NR3C2: variants seen among roughly 807,000 people sequenced by gnomAD.
The protein encoded by NR3C2 is nuclear receptor subfamily 3 group C member 2, also known as mineralocorticoid receptor.
Under a neutral mutation model 86.4 loss-of-function variants are expected in NR3C2, and 15 were observed. The ratio of observed to expected loss-of-function variants is 0.17; its 90% confidence interval spans 0.12 to 0.27. The LOEUF is 0.27. NR3C2 is among the 10% of genes least tolerant of loss of function. The probability of loss-of-function intolerance (pLI) is 1.00; values close to 1 mark genes in which losing one functional copy is unlikely to be tolerated. For missense variants in NR3C2, 960 were observed against 1,195.6 expected, an observed-to-expected ratio of 0.80 and a Z score of 2.91; for synonymous variants, 458 against 450.5, an observed-to-expected ratio of 1.02 and a Z score of -0.21.
At chr4:148,098,393 C>G (rs372447493) in intron 8 of NR3C2, among the ~76,000 whole-genome samples, 5 of 152,220 alleles carry the variant, frequency 3.3e-5, no homozygotes, top group African/African-American at 1.2e-4. Flanking sequence ...TTTTCTTGCA[C>G]TTAGGAACAT....
intron 3 of NR3C2, among the ~76,000 whole-genome samples, chr4:148,255,189 A>G (rs970054995): frequency 5.3e-5 from 8 of 152,168 alleles, no homozygotes; most frequent in African/African-American, 1.7e-4. Flanking sequence ...ACACAGTGAA[A>G]CACACTTTCC....
At chr4:148,129,513 T>G (rs1732917735) in intron 6 of NR3C2, among the ~76,000 whole-genome samples, 1 of 152,240 alleles carries the variant, frequency 6.6e-6, no homozygotes, top group African/African-American at 2.4e-5. Context: ...TATGTGTATT[T>G]TTTTATCACA....
chr4:148,271,537 A>T (rs1365703582), intron 2 of NR3C2, among the ~76,000 whole-genome samples: 1 of 152,144 alleles, frequency 6.6e-6, no homozygotes, highest in Non-Finnish European at 1.5e-5. Flanking sequence ...GTACATAAAA[A>T]TATAATATTT....
At chr4:148,402,109 G>A (rs1579255726) in intron 2 of NR3C2, among the ~76,000 whole-genome samples, 1 of 152,290 alleles carries the variant, frequency 6.6e-6, no homozygotes, top group Non-Finnish European at 1.5e-5. Context: ...TCTGGTGTCA[G>A]GCCATGTACA....
chr4:148,384,860 T>C (rs1292902166), intron 2 of NR3C2, among the ~76,000 whole-genome samples: 1 of 152,212 alleles, frequency 6.6e-6, no homozygotes, highest in Non-Finnish European at 1.5e-5. Context: ...CTGTAGTAGC[T>C]GCAAAGGAAG....
intron 2 of NR3C2, among the ~76,000 whole-genome samples, chr4:148,302,963 T>C (rs552758646): frequency 4.6e-4 from 70 of 151,880 alleles, no homozygotes; most frequent in African/African-American, 1.6e-3. Flanking sequence ...TAGAAACCCA[T>C]GGCTGGGCTC....
chr4:148,255,525 C>T lies in NR3C2; in HGVS notation c.1897+4453G>A, dbSNP rs186990632. Among the ~76,000 whole-genome samples, 22 of 152,338 alleles carry T rather than the reference C, an allele frequency of 1.4e-4. 1 individual carries two copies. The highest frequency in any genetic ancestry group is 9.8e-4 in the Admixed American group (15 of 15,298). On this transcript the variant is annotated intron_variant, in intron 3 of 8. Coordinates refer to ENST00000358102, the MANE Select transcript of NR3C2 (RefSeq NM_000901.5). ...TGTGAGTGTGGAAACTGACATCATA[C>T]AATTTGGCTGACCTTACCAAAATAT...
intron 5 of NR3C2, among the ~76,000 whole-genome samples, chr4:148,153,088 G>A (rs1483668501): frequency 6.6e-6 from 1 of 152,116 alleles, no homozygotes; most frequent in Non-Finnish European, 1.5e-5. Flanking sequence ...TATGGTCCAG[G>A]TTAATACCAG....
rs139862596 is a variant in NR3C2 at position 148,401,261 on chromosome 4, C to T, written c.1757+33843G>A. Among the ~76,000 whole-genome samples the T allele has an allele frequency of 3.9e-3, 599 of 152,190 alleles. 3 individuals are homozygous for T. The highest frequency in any genetic ancestry group is 0.013 in the African/African-American group (554 of 41,508). On this transcript the variant is annotated intron_variant, in intron 2 of 8. Coordinates refer to ENST00000358102, the MANE Select transcript of NR3C2 (RefSeq NM_000901.5). ...CTCACATGGTGCTTACCATCTGATG[C>T]GGAAGCATGGCAGAGGCTGCTAGGA...
intron 3 of NR3C2, among the ~76,000 whole-genome samples, chr4:148,249,145 T>A (rs1739452789): frequency 6.6e-6 from 1 of 152,194 alleles, no homozygotes; most frequent in Non-Finnish European, 1.5e-5. Flanking sequence ...AAAATGTTAG[T>A]CAGCCTTTCA....
At chr4:148,443,313 C>T (rs1175943988), upstream of NR3C2, among the ~76,000 whole-genome samples, 1 of 145,408 alleles carries the variant, frequency 6.9e-6, no homozygotes, top group Non-Finnish European at 1.5e-5. Flanking sequence ...TCCTCTACTT[C>T]CTTATAATTT....
At chr4:148,134,637 C>CTTTTTTTTTTT (rs1733196913) in intron 6 of NR3C2, among the ~76,000 whole-genome samples, 2 of 61,910 alleles carry the variant, frequency 3.2e-5, no homozygotes, top group East Asian at 8.3e-4. Context: ...CTCTCTCTCT[C>CTTTTTTTTTTT]TCTCTCTTTT....
Position 148,381,290 on chromosome 4 carries a change from A to G in NR3C2, c.1757+53814T>C, listed in dbSNP as rs958937871. Among the ~76,000 whole-genome samples the G allele has an allele frequency of 2.7e-4, 41 of 152,294 alleles. 1 individual carries two copies. Among genetic ancestry groups the G allele is most frequent in the African/African-American group, 9.9e-4 (41 of 41,576 alleles). ...AGAATAAATCTGGAAAAAGCAGTTC[A>G]ATATCTTATGGCAAAAGTAGTAAAT... On this transcript the variant is annotated intron_variant, in intron 2 of 8. Transcript: ENST00000358102.
At chr4:148,416,742 T>C (rs921918475) in intron 2 of NR3C2, among the ~76,000 whole-genome samples, 5 of 152,210 alleles carry the variant, frequency 3.3e-5, no homozygotes, top group African/African-American at 1.2e-4. Flanking sequence ...GATTAAACAG[T>C]TTAGAAGTTC....
At chr4:148,337,541 G>A (rs975966849) in intron 2 of NR3C2, among the ~76,000 whole-genome samples, 7 of 152,132 alleles carry the variant, frequency 4.6e-5, no homozygotes, top group Admixed American at 3.9e-4. Context: ...TTAATGCATT[G>A]AGTTTCAAAT....
At chr4:148,170,321 G>T (rs894872586) in intron 4 of NR3C2, among the ~76,000 whole-genome samples, 1 of 152,128 alleles carries the variant, frequency 6.6e-6, no homozygotes, top group Non-Finnish European at 1.5e-5. Flanking sequence ...AATATCTTGG[G>T]TATATAAAAA....
chr4:148,174,383 A>C (rs111631048), intron 4 of NR3C2, among the ~76,000 whole-genome samples: 32 of 152,324 alleles, frequency 2.1e-4, no homozygotes, highest in African/African-American at 7.5e-4. Flanking sequence ...AAAAAAGTTC[A>C]ATGGCATGAC....
At chr4:148,285,193 A>G (rs1741454424) in intron 2 of NR3C2, among the ~76,000 whole-genome samples, 1 of 152,194 alleles carries the variant, frequency 6.6e-6, no homozygotes, top group East Asian at 1.9e-4. Flanking sequence ...CATAAGAGGA[A>G]AGTTATTTAC....
At chr4:148,153,769 A>G (rs1437353167) in intron 5 of NR3C2, among the ~76,000 whole-genome samples, 2 of 152,176 alleles carry the variant, frequency 1.3e-5, no homozygotes, top group African/African-American at 2.4e-5. Flanking sequence ...GACAATTTAA[A>G]GGGTGCTGGG....
Sources: gnomAD v4.1 joint callset for allele counts (sites outside exome capture counted in the v4.1 genomes callset) on GRCh38, gnomAD v4.1.1 for gene constraint, MANE v1.5 for transcripts, NCBI Gene and HGNC (gene_info 2026-07-23, HGNC 2026-07-21) for gene names.